The following KCNAB1 variants were observed in gnomAD, a reference collection of about 807,000 sequenced individuals.
The protein encoded by KCNAB1 is potassium voltage-gated channel subfamily A regulatory beta subunit 1, also known as voltage-gated potassium channel subunit beta-1.
In KCNAB1, 35 loss-of-function variants were observed where a neutral mutation model predicts 64.6. The ratio of observed to expected loss-of-function variants is 0.54; its 90% confidence interval spans 0.41 to 0.72. KCNAB1 has a LOEUF of 0.72. Among genes scored for constraint, KCNAB1 ranks in the 30% least tolerant of loss-of-function variants. KCNAB1 has a pLI of 0.00. For synonymous variants in KCNAB1, 177 were observed against 183.8 expected, an observed-to-expected ratio of 0.96 and a Z score of 0.30; for missense variants, 401 against 512.9, an observed-to-expected ratio of 0.78 and a Z score of 2.11.
chr3:156,306,119 ATACT>A (rs1721475700), intron 1 of KCNAB1, among the ~76,000 whole-genome samples: 2 of 152,200 alleles, frequency 1.3e-5, no homozygotes, highest in Non-Finnish European at 2.9e-5. Flanking sequence ...ATTGATATTG[ATACT>A]TACAGGTTAG....
chr3:156,250,758 G>A (rs950917197), intron 1 of KCNAB1, among the ~76,000 whole-genome samples: 1 of 152,062 alleles, frequency 6.6e-6, no homozygotes, highest in African/African-American at 2.4e-5. Flanking sequence ...TCAGCTAGAT[G>A]AGCTAAAACA....
intron 1 of KCNAB1, among the ~76,000 whole-genome samples, chr3:156,355,121 G>A (rs928807174): frequency 6.6e-6 from 1 of 152,192 alleles, no homozygotes; most frequent in Admixed American, 6.5e-5. Context: ...CAGTCTAAAA[G>A]ATTAATCATG....
intron 1 of KCNAB1, among the ~76,000 whole-genome samples, chr3:156,257,123 T>C (rs1240181581): frequency 6.6e-6 from 1 of 152,236 alleles, no homozygotes; most frequent in Non-Finnish European, 1.5e-5. Context: ...TGTTAAACTT[T>C]CCTCATGACC....
chr3:156,130,947 G>A (rs978076836), intron 1 of KCNAB1, among the ~76,000 whole-genome samples: 2 of 152,202 alleles, frequency 1.3e-5, no homozygotes, highest in African/African-American at 2.4e-5. Context: ...TGTTTCCATC[G>A]AAAGAGCTGT....
intron 1 of KCNAB1, among the ~76,000 whole-genome samples, chr3:156,138,445 G>A (rs1447706242): frequency 6.6e-6 from 1 of 152,172 alleles, no homozygotes; most frequent in East Asian, 1.9e-4. Flanking sequence ...ACCAGCTCTG[G>A]CCTCAGTTTT....
chr3:156,328,544 T>C (rs913493260), intron 1 of KCNAB1, among the ~76,000 whole-genome samples: 14 of 152,192 alleles, frequency 9.2e-5, no homozygotes, highest in African/African-American at 2.9e-4. Context: ...CCCTATCCTG[T>C]AGTTATGTCG....
chr3:156,522,776 G>A (rs1718040437), intron 11 of KCNAB1, among the ~76,000 whole-genome samples: 1 of 152,340 alleles, frequency 6.6e-6, no homozygotes, highest in African/African-American at 2.4e-5. Context: ...ATGGCCCACT[G>A]CCTGTTGCAG....
Position 156,516,191 on chromosome 3 carries a change from T to G in KCNAB1, c.866-79T>G, listed in dbSNP as rs1717546871. On this transcript the variant is annotated intron_variant, in intron 10 of 13. Coordinates refer to ENST00000490337, the MANE Select transcript of KCNAB1 (RefSeq NM_172160.3). ...TCCCTATAACCTACCAAATTCTGTTTAAACACTACTGCCCCCACCGCCACC... is the reference window on the plus strand; with the variant it reads ...TCCCTATAACCTACCAAATTCTGTTGAAACACTACTGCCCCCACCGCCACC... The G allele has an allele frequency of 3.2e-6, 3 of 943,252 alleles. No individual in the cohort carries two copies. In the Admixed American group the frequency reaches 5.4e-5, roughly 17 times the overall value. The allele number at this position is 943,252 out of a possible 1,614,324, so 58.4% of individuals were successfully genotyped here.
At chr3:156,531,868 G>A (rs1311055655) in intron 13 of KCNAB1, among the ~76,000 whole-genome samples, 1 of 152,126 alleles carries the variant, frequency 6.6e-6, no homozygotes, top group Non-Finnish European at 1.5e-5. Flanking sequence ...TTGCCCACCT[G>A]CTGTGTGCTG....
intron 1 of KCNAB1, among the ~76,000 whole-genome samples, chr3:156,366,965 C>T (rs547103563): frequency 1.6e-4 from 25 of 152,104 alleles, no homozygotes; most frequent in South Asian, 8.3e-4. Flanking sequence ...GACCTGGTCC[C>T]GGGACTATTG....
At chr3:156,354,120 G>GTGTA (rs372765461) in intron 1 of KCNAB1, among the ~76,000 whole-genome samples, 1,812 of 132,554 alleles carry the variant, frequency 0.014, 15 homozygotes, top group South Asian at 0.031. Context: ...ATGTGTGTGT[G>GTGTA]TATATATATA....
At chr3:156,352,823 A>G (rs1724947316) in intron 1 of KCNAB1, among the ~76,000 whole-genome samples, 1 of 152,246 alleles carries the variant, frequency 6.6e-6, no homozygotes, top group African/African-American at 2.4e-5. Flanking sequence ...CAGCTGAGCC[A>G]TTCCTGCTGC....
chr3:156,170,704 T>C (rs1487447483), intron 1 of KCNAB1, among the ~76,000 whole-genome samples: 1 of 152,152 alleles, frequency 6.6e-6, no homozygotes. Context: ...CAGTTAGCCA[T>C]AATGCTCCCA....
At chr3:156,459,475 A>G (rs1712722560) in intron 4 of KCNAB1, among the ~76,000 whole-genome samples, 1 of 152,126 alleles carries the variant, frequency 6.6e-6, no homozygotes, top group Non-Finnish European at 1.5e-5. Context: ...CTTCACAGCA[A>G]TTAGAAGGAA....
intron 1 of KCNAB1, among the ~76,000 whole-genome samples, chr3:156,321,090 A>G (rs1250171847): frequency 6.6e-6 from 1 of 152,080 alleles, no homozygotes; most frequent in Non-Finnish European, 1.5e-5. Context: ...GAAAGAGTGG[A>G]TGCTGGAGCC....
At chr3:156,357,154 TGC>T (rs10663018) in intron 1 of KCNAB1, among the ~76,000 whole-genome samples, 20 of 135,144 alleles carry the variant, frequency 1.5e-4, no homozygotes, top group East Asian at 1.4e-3. Flanking sequence ...AACACACATG[TGC>T]GCGCACACAC....
chr3:156,281,259 G>C (rs1438695846), intron 1 of KCNAB1, among the ~76,000 whole-genome samples: 4 of 151,168 alleles, frequency 2.6e-5, no homozygotes, highest in African/African-American at 9.7e-5. Flanking sequence ...TTATATGCTG[G>C]ATTACATTTA....
intron 11 of KCNAB1, among the ~76,000 whole-genome samples, chr3:156,518,145 C>T (rs1717681459): frequency 6.6e-6 from 1 of 152,116 alleles, no homozygotes; most frequent in South Asian, 2.1e-4. Context: ...TTGAAGGTGG[C>T]TAAGCCCAAA....
chr3:156,485,992 C>T (rs1329074384), intron 8 of KCNAB1, among the ~76,000 whole-genome samples: 5 of 152,110 alleles, frequency 3.3e-5, no homozygotes, highest in Admixed American at 3.3e-4. Context: ...AGGAGGGTTG[C>T]TGCATCCCAT....
Sources: allele counts gnomAD v4.1 joint callset (sites outside exome capture counted in the v4.1 genomes callset), GRCh38; gene constraint gnomAD v4.1.1; transcripts MANE v1.5; gene names NCBI Gene and HGNC (gene_info 2026-07-23, HGNC 2026-07-21).